The following AGFG1 variants were observed in gnomAD, a reference collection of about 807,000 sequenced individuals.
AGFG1 encodes the protein arf-GAP domain and FG repeat-containing protein 1.
A neutral mutation model predicts 60.6 loss-of-function variants in AGFG1; 10 were observed. The observed-to-expected ratio is 0.16, with a 90% CI of 0.10 to 0.28. AGFG1 has a LOEUF of 0.28. AGFG1 is among the 10% of genes least tolerant of loss of function. AGFG1 has a pLI of 1.00. For missense variants in AGFG1, 537 were observed against 676.5 expected (o/e 0.79, Z 2.29); for synonymous variants, 247 against 242.9 (o/e 1.02, Z -0.16).
intron 2 of AGFG1, among the ~76,000 whole-genome samples, chr2:227,511,077 G>C (rs1458392795): frequency 6.6e-6 from 1 of 152,066 alleles, no homozygotes; most frequent in Non-Finnish European, 1.5e-5. Flanking sequence ...ATATTATCAA[G>C]TGAATCAGTA....
chr2:227,528,297 G>A (rs1176826355), intron 5 of AGFG1, among the ~76,000 whole-genome samples: 2 of 152,158 alleles, frequency 1.3e-5, no homozygotes, highest in South Asian at 2.1e-4. Flanking sequence ...AGGAAAGGTT[G>A]TACTGAGAAG....
At chr2:227,479,377 C>A (rs924254941) in intron 1 of AGFG1, among the ~76,000 whole-genome samples, 1 of 152,242 alleles carries the variant, frequency 6.6e-6, no homozygotes, top group Middle Eastern at 3.4e-3. Flanking sequence ...GGATAAAATA[C>A]AGTTTAGATT....
intron 2 of AGFG1, among the ~76,000 whole-genome samples, chr2:227,496,469 G>T (rs1690979620): frequency 6.6e-6 from 1 of 151,436 alleles, no homozygotes. Context: ...AAAATAGCCT[G>T]CTGTGTGCCA....
At chr2:227,521,852 C>T (rs1691835849) in intron 3 of AGFG1, among the ~76,000 whole-genome samples, 1 of 152,138 alleles carries the variant, frequency 6.6e-6, no homozygotes, top group African/African-American at 2.4e-5. Context: ...CAAATAATTA[C>T]AGTTTATGTT....
At chr2:227,507,657 A>T (rs191970453) in intron 2 of AGFG1, among the ~76,000 whole-genome samples, 57 of 148,958 alleles carry the variant, frequency 3.8e-4, no homozygotes, top group Admixed American at 2.6e-3. Context: ...TTTGTTTTGG[A>T]AAAAGCTGTT....
At chr2:227,524,949 A>T (rs918188004) in intron 5 of AGFG1, 34 bp downstream of exon 5, 1 of 1,611,178 alleles carries the variant, frequency 6.2e-7, no homozygotes, top group African/African-American at 1.3e-5. Flanking sequence ...TTTGCTGGGG[A>T]TGCATATAAA....
chr2:227,512,479 A>G (rs1005072384), intron 2 of AGFG1, among the ~76,000 whole-genome samples: 1 of 152,166 alleles, frequency 6.6e-6, no homozygotes, highest in African/African-American at 2.4e-5. Flanking sequence ...AAATGTTAAT[A>G]ATGTACTTAA....
chr2:227,541,156 C>A (rs907044781), intron 10 of AGFG1, among the ~76,000 whole-genome samples: 1 of 152,142 alleles, frequency 6.6e-6, no homozygotes, highest in Non-Finnish European at 1.5e-5. Flanking sequence ...CCTGTTCACT[C>A]TGATGGTGGT....
intron 10 of AGFG1, among the ~76,000 whole-genome samples, chr2:227,543,526 G>A (rs949131608): frequency 2.6e-5 from 4 of 152,140 alleles, no homozygotes; most frequent in Non-Finnish European, 5.9e-5. Flanking sequence ...GAGACAGTTT[G>A]TTATGATTTC....
intron 1 of AGFG1, among the ~76,000 whole-genome samples, chr2:227,483,218 CTTG>C (rs1034178083): frequency 8.5e-5 from 13 of 152,180 alleles, no homozygotes; most frequent in African/African-American, 2.9e-4. Flanking sequence ...CTTAAAAATA[CTTG>C]TTTTGATTCA....
intron 2 of AGFG1, among the ~76,000 whole-genome samples, chr2:227,509,129 G>T (rs1223962344): frequency 6.6e-6 from 1 of 152,136 alleles, no homozygotes; most frequent in Non-Finnish European, 1.5e-5. Flanking sequence ...AATGGATAAA[G>T]ATACATTTTA....
At position 227,559,996 on chromosome 2, in the gene AGFG1, A is replaced by G. The variant is rs1693090133; in HGVS notation, c.*5501A>G. 6.6e-6 allele frequency: 1 copy of G among 152,148 alleles called. No individual in the cohort carries two copies. Among genetic ancestry groups the G allele is most frequent in the Non-Finnish European group, 1.5e-5 (1 of 67,976 alleles). 9.4% of individuals were successfully genotyped at this position (152,148 alleles called of 1,614,324 possible). On this transcript the variant is annotated 3_prime_UTR_variant, in exon 13 of 13. Coordinates refer to ENST00000310078, the MANE Select transcript of AGFG1 (RefSeq NM_004504.5). Reference sequence around the variant, plus strand: ...AAAGTGTGTCTCCCTCTGTGACTTTATTCTCATACCCCAGAGGCATATAAT... The same window carrying G: ...AAAGTGTGTCTCCCTCTGTGACTTTGTTCTCATACCCCAGAGGCATATAAT...
In AGFG1 at chr2:227,533,732, T is replaced by C; in HGVS notation, c.998T>C (p.Leu333Ser). The C allele has an allele frequency of 6.2e-7, 1 of 1,613,696 alleles. No individual in the cohort carries two copies. The highest frequency in any genetic ancestry group is 8.5e-7 in the Non-Finnish European group (1 of 1,179,730). The change falls in exon 7 of 13, where the codon TTA (leucine) becomes TCA (serine). Residue 333 changes from leucine (L) to serine (S), a missense_variant. This residue lies in a region of AGFG1 where 287 missense variants were observed against 343.6 expected (regional missense o/e 0.84). Coordinates refer to ENST00000310078, the MANE Select transcript of AGFG1 (RefSeq NM_004504.5). ...GACAAATATGCAGCACTTGCTAATT[T>C]AGACAATATCTTCAGTGCCGGGCAA... ...TADKYAALAN[L>S]DNIFSAGQGG...
rs554154782 is a variant in AGFG1 at position 227,554,764 on chromosome 2, T to G, written c.*269T>G. On this transcript the variant is annotated 3_prime_UTR_variant, in exon 13 of 13. Transcript: ENST00000310078. ...AAGTTATTGCAGATACCACATTCATTATGCTGCAGTACTGTACATATTTTT... is the reference window on the plus strand; with the variant it reads ...AAGTTATTGCAGATACCACATTCATGATGCTGCAGTACTGTACATATTTTT... The G allele has an allele frequency of 6.0e-6, 2 of 333,336 alleles. No individual in the cohort carries two copies. Among genetic ancestry groups the G allele is most frequent in the African/African-American group, 4.2e-5 (2 of 47,482 alleles). The allele number at this position is 333,336 out of a possible 1,614,324, so 20.6% of individuals were successfully genotyped here. A position where few individuals can be genotyped will look rare whatever the true frequency, so the allele number is the denominator to read the frequency against.
chr2:227,539,955 C>A (rs1316147265), intron 10 of AGFG1, among the ~76,000 whole-genome samples: 1 of 152,014 alleles, frequency 6.6e-6, no homozygotes, highest in African/African-American at 2.4e-5. Context: ...CATGACTCAG[C>A]CTCCTGAGTA....
intron 11 of AGFG1, among the ~76,000 whole-genome samples, 164 bp from the exon 12 acceptor site, chr2:227,553,540 T>C (rs1489681338): frequency 6.6e-6 from 1 of 151,402 alleles, no homozygotes; most frequent in Non-Finnish European, 1.5e-5. Flanking sequence ...CTACAGTAAG[T>C]TTGTCTTTGG....
chr2:227,492,862 TA>T (rs1284900254), intron 2 of AGFG1, among the ~76,000 whole-genome samples: 2 of 152,220 alleles, frequency 1.3e-5, no homozygotes, highest in South Asian at 4.1e-4. Flanking sequence ...ATATATTGAT[TA>T]AAATACAATT....
At chr2:227,511,819 G>A (rs1691504364) in intron 2 of AGFG1, among the ~76,000 whole-genome samples, 1 of 152,134 alleles carries the variant, frequency 6.6e-6, no homozygotes, top group Non-Finnish European at 1.5e-5. Context: ...TGAGATAAAG[G>A]TAGTGAAAAT....
At chr2:227,505,412 T>G (rs1465353569) in intron 2 of AGFG1, among the ~76,000 whole-genome samples, 3 of 152,206 alleles carry the variant, frequency 2.0e-5, no homozygotes, top group African/African-American at 7.2e-5. Context: ...TTTTTCTGCC[T>G]CATTCTCTCT....
Sources: gnomAD v4.1 joint callset for allele counts (sites outside exome capture counted in the v4.1 genomes callset) on GRCh38, gnomAD v4.1.1 for gene constraint, gnomAD v4.1.1 regional missense constraint, MANE v1.5 for transcripts, NCBI Gene and HGNC (gene_info 2026-07-23, HGNC 2026-07-21) for gene names.